KCNH7: variants seen among roughly 807,000 people sequenced by gnomAD.
The protein encoded by KCNH7 is potassium voltage-gated channel subfamily H member 7, also known as voltage-gated inwardly rectifying potassium channel KCNH7.
Under a neutral mutation model 120.8 loss-of-function variants are expected in KCNH7, and 49 were observed. The observed-to-expected ratio is 0.41, with a 90% CI of 0.32 to 0.51. KCNH7 has a LOEUF of 0.51. KCNH7 is among the 20% of genes least tolerant of loss of function. KCNH7 has a pLI of 0.38. For synonymous variants in KCNH7, 547 were observed against 516.1 expected (o/e 1.06, Z -0.81); for missense variants, 1,097 against 1,446.6 (o/e 0.76, Z 3.92).
chr2:162,471,521 G>C (rs564931337), intron 6 of KCNH7, among the ~76,000 whole-genome samples: 4 of 151,564 alleles, frequency 2.6e-5, no homozygotes, highest in African/African-American at 4.8e-5. Context: ...GGAGTTTTAC[G>C]ACCTTACAAG....
At chr2:162,733,116 T>C (rs1687782444) in intron 2 of KCNH7, among the ~76,000 whole-genome samples, 1 of 152,162 alleles carries the variant, frequency 6.6e-6, no homozygotes, top group South Asian at 2.1e-4. Flanking sequence ...GAAGTGGGCT[T>C]GGCTCTCAGA....
chr2:162,595,789 C>A (rs1267180430), intron 2 of KCNH7, among the ~76,000 whole-genome samples: 1 of 151,706 alleles, frequency 6.6e-6, no homozygotes, highest in East Asian at 1.9e-4. Flanking sequence ...CTCTGTTTGC[C>A]AATGTTATGA....
At chr2:162,734,222 A>C (rs1404078354) in intron 2 of KCNH7, among the ~76,000 whole-genome samples, 1 of 152,148 alleles carries the variant, frequency 6.6e-6, no homozygotes, top group African/African-American at 2.4e-5. Flanking sequence ...CACATGATAA[A>C]ATTTATTTTT....
intron 2 of KCNH7, among the ~76,000 whole-genome samples, chr2:162,755,596 C>T (rs996957184): frequency 7.9e-5 from 12 of 152,114 alleles, no homozygotes; most frequent in Admixed American, 1.3e-4. Flanking sequence ...ACTGTGTGAT[C>T]GTGGGCTTTA....
At chr2:162,748,836 C>CAT (rs1688413816) in intron 2 of KCNH7, among the ~76,000 whole-genome samples, 1 of 104,342 alleles carries the variant, frequency 9.6e-6, no homozygotes, top group Non-Finnish European at 1.8e-5. Context: ...CCCTCCCCTC[C>CAT]TCTCCCCTCC....
At chr2:162,748,531 A>G (rs1477150693) in intron 2 of KCNH7, among the ~76,000 whole-genome samples, 1 of 152,210 alleles carries the variant, frequency 6.6e-6, no homozygotes, top group African/African-American at 2.4e-5. Flanking sequence ...ATGAAAATAG[A>G]AGACTCCTCA....
intron 2 of KCNH7, among the ~76,000 whole-genome samples, chr2:162,582,318 T>C (rs1291786110): frequency 6.6e-6 from 1 of 152,034 alleles, no homozygotes; most frequent in Non-Finnish European, 1.5e-5. Flanking sequence ...AAGATATAAA[T>C]AAACCCAGGA....
intron 9 of KCNH7, among the ~76,000 whole-genome samples, chr2:162,405,249 G>A (rs569272562): frequency 4.6e-5 from 7 of 151,916 alleles, no homozygotes; most frequent in East Asian, 2.0e-4. Context: ...AAGTTACTTC[G>A]TGACTTACAA....
At chr2:162,556,948 C>T (rs1415075226) in intron 2 of KCNH7, among the ~76,000 whole-genome samples, 2 of 152,190 alleles carry the variant, frequency 1.3e-5, no homozygotes, top group Non-Finnish European at 2.9e-5. Context: ...AAGACAATTA[C>T]ATTTGGAAAA....
chr2:162,383,777 A>G (rs1304679207), intron 13 of KCNH7, among the ~76,000 whole-genome samples: 1 of 152,012 alleles, frequency 6.6e-6, no homozygotes, highest in African/African-American at 2.4e-5. Context: ...GTGAGAAAAT[A>G]CTAACAGTTG....
intron 4 of KCNH7, among the ~76,000 whole-genome samples, chr2:162,513,467 C>T (rs4664470): frequency 2.1e-4 from 22 of 104,684 alleles, no homozygotes; most frequent in East Asian, 1.5e-3. Context: ...CCTTCCCTCC[C>T]TCCTTCCTTC....
intron 2 of KCNH7, among the ~76,000 whole-genome samples, chr2:162,761,271 A>G (rs1688957646): frequency 1.3e-5 from 2 of 152,048 alleles, no homozygotes; most frequent in South Asian, 4.1e-4. Context: ...ATCTATGGTG[A>G]GTATCTATTG....
intron 2 of KCNH7, among the ~76,000 whole-genome samples, chr2:162,558,296 T>C (rs1162797292): frequency 6.6e-6 from 1 of 151,864 alleles, no homozygotes; most frequent in Non-Finnish European, 1.5e-5. Flanking sequence ...TGCCTCAGCC[T>C]CCTGAGTAGC....
Position 162,461,023 on chromosome 2 carries a change from A to T in KCNH7, c.1129-14580T>A, listed in dbSNP as rs114640719. ...TCAAAATGCTTTTAATAAAGTCCTC[A>T]TCACTTGTGGCAAATGGAGAATAGA... is the stretch of plus-strand genomic sequence containing the variant. On this transcript the variant is annotated intron_variant, in intron 6 of 15. Transcript: ENST00000332142. Among the ~76,000 whole-genome samples the T allele has an allele frequency of 8.2e-3, 1,252 of 152,340 alleles. 13 individuals are homozygous for T. Among genetic ancestry groups the T allele is most frequent in the African/African-American group, 0.029 (1,186 of 41,578 alleles).
chr2:162,732,222 C>A (rs978641572), intron 2 of KCNH7, among the ~76,000 whole-genome samples: 1 of 152,030 alleles, frequency 6.6e-6, no homozygotes, highest in Non-Finnish European at 1.5e-5. Flanking sequence ...CAAAGTATCT[C>A]CTGAGCTGAT....
intron 6 of KCNH7, among the ~76,000 whole-genome samples, chr2:162,476,823 A>G (rs1689763005): frequency 6.6e-6 from 1 of 152,190 alleles, no homozygotes; most frequent in Non-Finnish European, 1.5e-5. Context: ...CTAAGATTCT[A>G]TTGTTACCTC....
intron 2 of KCNH7, among the ~76,000 whole-genome samples, chr2:162,823,971 T>A (rs892261229): frequency 4.6e-5 from 7 of 152,194 alleles, no homozygotes; most frequent in African/African-American, 1.7e-4. Flanking sequence ...AATTTTCATT[T>A]CTGTAGCAGA....
intron 2 of KCNH7, among the ~76,000 whole-genome samples, chr2:162,648,021 G>A (rs1439327233): frequency 6.6e-6 from 1 of 152,158 alleles, no homozygotes; most frequent in Non-Finnish European, 1.5e-5. Flanking sequence ...TTCATAAGAA[G>A]TGATTGGTAA....
Position 162,388,482 on chromosome 2 carries a change from T to C in KCNH7, c.2711-3543A>G, listed in dbSNP as rs150991702. ...AAAAAATCACTTTGTATACCATAAATATGTACAACTTTTACATGTCAATTA... is the reference window on the plus strand; with the variant it reads ...AAAAAATCACTTTGTATACCATAAACATGTACAACTTTTACATGTCAATTA... On this transcript the variant is annotated intron_variant, in intron 12 of 15. Transcript: ENST00000332142. 3.3e-5 allele frequency among the ~76,000 whole-genome samples: 5 copies of C among 151,958 alleles called. No homozygotes were observed. The East Asian group carries it at 5.8e-4, about 18-fold the overall frequency.
Sources: allele counts gnomAD v4.1 joint callset (sites outside exome capture counted in the v4.1 genomes callset), GRCh38; gene constraint gnomAD v4.1.1; transcripts MANE v1.5; gene names NCBI Gene and HGNC (gene_info 2026-07-23, HGNC 2026-07-21).